GPR157: variants seen among roughly 807,000 people sequenced by gnomAD.
The protein encoded by GPR157 is G-protein coupled receptor 157.
Under a neutral mutation model 23.5 loss-of-function variants are expected in GPR157, and 16 were observed. The ratio of observed to expected loss-of-function variants is 0.68; its 90% confidence interval spans 0.46 to 1.04. The LOEUF is 1.04. GPR157 is among the 50% of genes least tolerant of loss of function. GPR157 has a pLI of 0.00. For missense variants in GPR157, 440 were observed against 460.7 expected, an observed-to-expected ratio of 0.96 and a Z score of 0.41; for synonymous variants, 200 against 221.5, an observed-to-expected ratio of 0.90 and a Z score of 0.86.
intron 2 of GPR157, 37 bp downstream of exon 2, chr1:9,111,239 C>T: frequency 6.3e-7 from 1 of 1,598,092 alleles, no homozygotes; most frequent in South Asian, 1.1e-5. Flanking sequence ...GCACAGCGGC[C>T]ATGCAGAGGG....
chr1:9,111,914 G>A (rs749655616), intron 1 of GPR157, among the ~76,000 whole-genome samples: 1 of 152,186 alleles, frequency 6.6e-6, no homozygotes, highest in Non-Finnish European at 1.5e-5. Flanking sequence ...AGGTTGCAGT[G>A]AGCTGAGATT....
At chr1:9,124,580 C>T (rs185353528) in intron 1 of GPR157, among the ~76,000 whole-genome samples, 12 of 152,250 alleles carry the variant, frequency 7.9e-5, no homozygotes, top group Admixed American at 5.9e-4. Context: ...GGGCTATAAA[C>T]GCCCTCACCT....
chr1:9,116,462 T>C (rs1328882892), intron 1 of GPR157, among the ~76,000 whole-genome samples: 1 of 132,950 alleles, frequency 7.5e-6, no homozygotes, highest in Non-Finnish European at 1.5e-5. Flanking sequence ...TTTGAGTATT[T>C]ATGGCTTTTT....
chr1:9,121,027 G>A (rs1247453955), intron 1 of GPR157, among the ~76,000 whole-genome samples: 2 of 152,176 alleles, frequency 1.3e-5, no homozygotes, highest in African/African-American at 2.4e-5. Context: ...GCCACGGTGA[G>A]CTCGTTTCAA....
rs1639022372 is a variant in GPR157 at position 9,128,728 on chromosome 1, A to C, written c.300T>G (p.Ile100Met). 7 of 1,613,204 alleles carry C rather than the reference A, an allele frequency of 4.3e-6. No homozygotes were observed. The highest frequency in any genetic ancestry group is 5.9e-6 in the Non-Finnish European group (7 of 1,179,920). ...NTSSFFWTVA[I>M]ALYLYLSIVR... is the part of the protein sequence containing the mutation. Reference sequence around the variant, plus strand: ...CGATGCTGAGGTACAAGTAGAGCGCAATGGCCACGGTCCAGAAGAAGGAGC... The same window carrying C: ...CGATGCTGAGGTACAAGTAGAGCGCCATGGCCACGGTCCAGAAGAAGGAGC... Residue 100 changes from isoleucine to methionine, a missense_variant, in exon 1 of 4, where the codon ATT (isoleucine) becomes ATG (methionine). Physicochemically the swap from Ile to Met is conservative, Grantham distance 10 (BLOSUM62 1). Transcript: ENST00000377411. This position sits in a 1 kb window ranked among gnomAD's most constrained non-coding sequence, Gnocchi z 6.3.
At chr1:9,112,924 T>C (rs1291106857) in intron 1 of GPR157, among the ~76,000 whole-genome samples, 4 of 152,198 alleles carry the variant, frequency 2.6e-5, no homozygotes, top group African/African-American at 9.6e-5. Context: ...TGGATTTTAG[T>C]GTAGTGGGCT....
rs1015684784 is a variant in GPR157 at position 9,114,612 on chromosome 1, G to A, written c.384-3123C>T. On this transcript the variant is annotated intron_variant, in intron 1 of 3. Transcript: ENST00000377411. Reference sequence around the variant, plus strand: ...TCCCGACGGGCCCTCATGGGAAACCGGGGGACCACACGGAACCGCACTCTG... The same window carrying A: ...TCCCGACGGGCCCTCATGGGAAACCAGGGGACCACACGGAACCGCACTCTG... 2.0e-5 allele frequency among the ~76,000 whole-genome samples: 3 copies of A among 152,160 alleles called. 1 individual carries two copies. Among genetic ancestry groups the A allele is most frequent in the South Asian group, 4.1e-4 (2 of 4,832 alleles).
rs191756622 is a variant in GPR157, at chr1:9,104,362, G to T, written c.*57C>A. 1.5e-6 allele frequency: 2 copies of T among 1,336,144 alleles called. No homozygotes were observed. Among genetic ancestry groups the T allele is most frequent in the Non-Finnish European group, 2.1e-6 (2 of 937,382 alleles). 82.8% of individuals were successfully genotyped at this position (1,336,144 alleles called of 1,614,324 possible). A position where few individuals can be genotyped will look rare whatever the true frequency, so the allele number is the denominator to read the frequency against. Reference sequence around the variant, plus strand: ...TCTGCCCCTGCAGCAGGGACTCACAGAAGTGCCTACCCCCAGGAAGGCAGC... The same window carrying T: ...TCTGCCCCTGCAGCAGGGACTCACATAAGTGCCTACCCCCAGGAAGGCAGC... On this transcript the variant is annotated 3_prime_UTR_variant, in exon 4 of 4. Coordinates refer to ENST00000377411, the MANE Select transcript of GPR157 (RefSeq NM_024980.5).
intron 1 of GPR157, among the ~76,000 whole-genome samples, chr1:9,117,829 C>A (rs1044468245): frequency 6.6e-6 from 1 of 152,120 alleles, no homozygotes; most frequent in Admixed American, 6.6e-5. Flanking sequence ...ACAGTTCTGA[C>A]ATGTAACACC....
rs1344225412 is a variant in GPR157 at position 9,105,404 on chromosome 1, G to A, written c.792+82C>T. 7.7e-7 allele frequency: 1 copy of A among 1,299,850 alleles called. No individual in the cohort carries two copies. Among genetic ancestry groups the A allele is most frequent in the South Asian group, 1.5e-5 (1 of 67,784 alleles). The allele number at this position is 1,299,850 out of a possible 1,614,324, so 80.5% of individuals were successfully genotyped here. On this transcript the variant is annotated intron_variant, in intron 3 of 3. Transcript: ENST00000377411. The surrounding 1 kb of genome is among the most constrained non-coding windows in gnomAD (Gnocchi z 4.8). ...GCTGTGCCTTGGCCGACACTGGGGT[G>A]CAGCCACTGTGCTGCGGGAAGGAAT...
Position 9,105,021 on chromosome 1 carries a change from G to A in GPR157, c.793-387C>T, listed in dbSNP as rs2124505898. 8.2e-6 allele frequency among the ~76,000 whole-genome samples: 1 copy of A among 121,952 alleles called. No homozygotes were observed. The highest frequency in any genetic ancestry group is 2.4e-4 in the East Asian group (1 of 4,094). 80.0% of individuals were successfully genotyped at this position (121,952 alleles called of 152,430 possible). ...TCCCCGCACCCCCCCCCAAAAAAGA[G>A]AAATGGCTGAGAAACACACACACAC... On this transcript the variant is annotated intron_variant, in intron 3 of 3. Transcript: ENST00000377411. This position sits in a 1 kb window ranked among gnomAD's most constrained non-coding sequence, Gnocchi z 4.8.
intron 1 of GPR157, among the ~76,000 whole-genome samples, chr1:9,113,447 C>A (rs1638558166): frequency 1.3e-5 from 2 of 152,160 alleles, no homozygotes; most frequent in African/African-American, 4.8e-5. Context: ...AAAGTCAGTT[C>A]CCTGGGACTG....
chr1:9,128,342 C>A lies in GPR157; in HGVS notation c.383+303G>T, dbSNP rs959368149. ...ACACAGTGAAGCAGGTCACAAGGGG[C>A]TCAGAGTGTCCTCCCCAGCCCCGTC... On this transcript the variant is annotated intron_variant, in intron 1 of 3. Transcript: ENST00000377411. This position sits in a 1 kb window ranked among gnomAD's most constrained non-coding sequence, Gnocchi z 6.3. 6 of 639,550 alleles carry A rather than the reference C, an allele frequency of 9.4e-6. No homozygotes were observed. In the Admixed American group the frequency reaches 1.3e-4, roughly 13 times the overall value. The allele number at this position is 639,550 out of a possible 1,614,324, so 39.6% of individuals were successfully genotyped here.
chr1:9,114,873 AT>A (rs1638600600), intron 1 of GPR157, among the ~76,000 whole-genome samples: 1 of 144,056 alleles, frequency 6.9e-6, no homozygotes, highest in African/African-American at 2.6e-5. Context: ...GTGAGCCAAG[AT>A]TGTGCCACTG....
intron 2 of GPR157, among the ~76,000 whole-genome samples, chr1:9,110,216 T>A (rs930642281): frequency 6.6e-6 from 1 of 152,092 alleles, no homozygotes; most frequent in African/African-American, 2.4e-5. Flanking sequence ...TGCTAGGAGA[T>A]GCTCGGTAAA....
intron 1 of GPR157, among the ~76,000 whole-genome samples, chr1:9,112,298 C>T (rs1400498106): frequency 6.6e-6 from 1 of 152,232 alleles, no homozygotes; most frequent in African/African-American, 2.4e-5. Flanking sequence ...TTACCTTCGG[C>T]AGGCTCTAGG....
At chr1:9,108,916 G>T (rs1228885486) in intron 2 of GPR157, among the ~76,000 whole-genome samples, 1 of 151,986 alleles carries the variant, frequency 6.6e-6, no homozygotes, top group African/African-American at 2.4e-5. Context: ...CTCCTGAGTA[G>T]CTGGGACTAC....
At position 9,111,415 on chromosome 1, in the gene GPR157, G is replaced by A. The variant is rs1339274954; in HGVS notation, c.458C>T (p.Ser153Phe). The A allele has an allele frequency of 1.2e-6, 2 of 1,614,204 alleles. No individual in the cohort carries two copies. The highest frequency in any genetic ancestry group is 2.2e-5 in the South Asian group (2 of 91,080). ...CAGGTCGATCCAGCACCAGCCCACA[G>A]ACACGTCCGAGGCGTCATAGCCAAT... Reference protein sequence around the residue: ...KKIGYDASDVSVGWCWIDLEA... With the variant: ...KKIGYDASDVFVGWCWIDLEA... Residue 153 changes from serine to phenylalanine, a missense_variant, in exon 2 of 4, where the codon TCT (serine) becomes TTT (phenylalanine). Transcript: ENST00000377411.
At chr1:9,111,593 C>T in intron 1 of GPR157, 104 bp from the exon 2 acceptor site, 1 of 856,458 alleles carries the variant, frequency 1.2e-6, no homozygotes. Context: ...AGGGGATGCT[C>T]TCCAGAGCCT....
Sources: gnomAD v4.1 joint callset for allele counts (sites outside exome capture counted in the v4.1 genomes callset) on GRCh38, gnomAD v4.1.1 for gene constraint, Gnocchi (gnomAD v3.1) non-coding constraint, MANE v1.5 for transcripts, NCBI Gene and HGNC (gene_info 2026-07-23, HGNC 2026-07-21) for gene names.